RFX4: variants seen among roughly 807,000 people sequenced by gnomAD.
RFX4 encodes the protein transcription factor RFX4.
Under a neutral mutation model 95.0 loss-of-function variants are expected in RFX4, and 10 were observed. That is an observed-to-expected ratio of 0.11 (90% confidence interval 0.06 to 0.18). The LOEUF is 0.18. Among genes scored for constraint, RFX4 ranks in the 10% least tolerant of loss-of-function variants. RFX4 has a pLI of 1.00. For missense variants in RFX4, 640 were observed against 922.0 expected (o/e 0.69, Z 3.96); for synonymous variants, 321 against 340.7 (o/e 0.94, Z 0.64).
At chr12:106,737,401 T>C (rs1436236928) in intron 15 of RFX4, among the ~76,000 whole-genome samples, 1 of 151,950 alleles carries the variant, frequency 6.6e-6, no homozygotes, top group Non-Finnish European at 1.5e-5. Context: ...GTTAAGGTTC[T>C]TGATGAGCAA....
At chr12:106,632,671 GT>G (rs2137264148) in intron 2 of RFX4, among the ~76,000 whole-genome samples, 1 of 152,242 alleles carries the variant, frequency 6.6e-6, no homozygotes, top group African/African-American at 2.4e-5. Flanking sequence ...GTTTCTTTTT[GT>G]TTTGTTTTGT....
At chr12:106,662,447 T>C (rs931046317) in intron 4 of RFX4, among the ~76,000 whole-genome samples, 2 of 152,178 alleles carry the variant, frequency 1.3e-5, no homozygotes, top group Non-Finnish European at 2.9e-5. Context: ...GTTATTTGTA[T>C]CTTTTGAGCA....
At chr12:106,699,355 C>A (rs556711439) in intron 8 of RFX4, among the ~76,000 whole-genome samples, 9 of 152,104 alleles carry the variant, frequency 5.9e-5, no homozygotes, top group Admixed American at 5.9e-4. Context: ...CTATGTGTAC[C>A]TGAAAAAGCT....
intron 11 of RFX4, among the ~76,000 whole-genome samples, chr12:106,716,936 G>A (rs1041284367): frequency 9.2e-5 from 13 of 141,010 alleles, no homozygotes; most frequent in African/African-American, 2.4e-4. Flanking sequence ...CTGGTCTCAC[G>A]TCTAGTCCCA....
intron 3 of RFX4, among the ~76,000 whole-genome samples, chr12:106,639,834 C>G (rs2137280072): frequency 6.6e-6 from 1 of 152,244 alleles, no homozygotes; most frequent in East Asian, 1.9e-4. Flanking sequence ...ATTTGGCATT[C>G]CTGGGCTTGA....
chr12:106,676,720 G>C (rs1019037537), intron 4 of RFX4, among the ~76,000 whole-genome samples: 11 of 152,224 alleles, frequency 7.2e-5, no homozygotes, highest in Non-Finnish European at 5.9e-5. Context: ...GTTCATAGCA[G>C]AGGCCACCAG....
At chr12:106,724,785 G>A (rs949811376) in intron 13 of RFX4, among the ~76,000 whole-genome samples, 11 of 152,164 alleles carry the variant, frequency 7.2e-5, no homozygotes, top group African/African-American at 2.4e-4. Flanking sequence ...ACTTTGGGAG[G>A]TGGATTCCCT....
intron 4 of RFX4, among the ~76,000 whole-genome samples, chr12:106,674,847 G>A (rs1304575131): frequency 6.6e-6 from 1 of 152,192 alleles, no homozygotes; most frequent in Non-Finnish European, 1.5e-5. Flanking sequence ...ATATCTGCTG[G>A]TGAATGAATC....
intron 15 of RFX4, among the ~76,000 whole-genome samples, chr12:106,737,516 A>G (rs557745128): frequency 1.3e-5 from 2 of 152,184 alleles, no homozygotes; most frequent in East Asian, 3.9e-4. Context: ...AGTAGAGGCA[A>G]GAGAGAGCAT....
Position 106,654,242 on chromosome 12 carries a change from A to G in RFX4, c.206A>G (p.Tyr69Cys). The G allele has an allele frequency of 6.2e-7, 1 of 1,614,024 alleles. No homozygotes were observed. The highest frequency in any genetic ancestry group is 8.5e-7 in the Non-Finnish European group (1 of 1,179,926). The change falls in exon 4 of 18, where the codon TAT becomes TGT. Residue 69 changes from tyrosine (Y) to cysteine (C), a missense_variant. Physicochemically the swap from Tyr to Cys is radical, Grantham distance 194. Coordinates refer to ENST00000392842, the MANE Select transcript of RFX4 (RefSeq NM_213594.3). Reference sequence around the variant, plus strand: ...TATTTCCCTAGGCTGGAGGAGAACTATGAGATTGCAGAGGGGGTCTGCATC... The same window carrying G: ...TATTTCCCTAGGCTGGAGGAGAACTGTGAGATTGCAGAGGGGGTCTGCATC... ...PATLQWLEENYEIAEGVCIPR... is the reference protein window; with the variant it reads ...PATLQWLEENCEIAEGVCIPR...
rs922063231 is a variant in RFX4, at chr12:106,639,353, G to A, written c.152G>A (p.Arg51Lys). 10 of 1,613,384 alleles carry A rather than the reference G, an allele frequency of 6.2e-6. No individual in the cohort carries two copies. The highest frequency in any genetic ancestry group is 1.3e-5 in the African/African-American group (1 of 74,874). The change falls in exon 3 of 18, where the codon AGA becomes AAA. Residue 51 changes from arginine to lysine, a missense_variant. Coordinates refer to ENST00000392842, the MANE Select transcript of RFX4 (RefSeq NM_213594.3). Reference sequence around the variant, plus strand: ...ACAGATGAGGAAAAAGAAAATAATAGAGCATCCAAGCCCCACTCCACTCCT... The same window carrying A: ...ACAGATGAGGAAAAAGAAAATAATAAAGCATCCAAGCCCCACTCCACTCCT... ...NDENEEKENN[R>K]ASKPHSTPAT...
At chr12:106,643,784 T>C (rs1013641985) in intron 3 of RFX4, among the ~76,000 whole-genome samples, 1 of 152,218 alleles carries the variant, frequency 6.6e-6, no homozygotes, top group Non-Finnish European at 1.5e-5. Flanking sequence ...TTTTATTTTG[T>C]TTACACAAGA....
chr12:106,715,264 T>C (rs2042265491), intron 10 of RFX4, 136 bp from the exon 11 acceptor site: 2 of 983,710 alleles, frequency 2.0e-6, no homozygotes, highest in Admixed American at 5.6e-5. Flanking sequence ...GGTGCTTTCC[T>C]GAAATTGAAT....
rs1391488309 is a variant in RFX4 at position 106,625,521 on chromosome 12, A to G, written c.131-13811A>G. Among the ~76,000 whole-genome samples the G allele has an allele frequency of 2.6e-5, 4 of 152,220 alleles. 1 individual carries two copies. The South Asian group carries it at 6.2e-4, about 24-fold the overall frequency. On this transcript the variant is annotated intron_variant, in intron 2 of 17. Transcript: ENST00000392842. Reference sequence around the variant, plus strand: ...AGTAGATATGTATGCTTCTCATGGCATACTCACCAACAAACAGGAGGATTG... The same window carrying G: ...AGTAGATATGTATGCTTCTCATGGCGTACTCACCAACAAACAGGAGGATTG...
At chr12:106,759,734 CCCTT>C (rs1247243055) in intron 17 of RFX4, among the ~76,000 whole-genome samples, 1 of 152,178 alleles carries the variant, frequency 6.6e-6, no homozygotes, top group Non-Finnish European at 1.5e-5. Context: ...GGTGCCTTCT[CCCTT>C]GAGTTCCCAG....
At chr12:106,661,728 C>T (rs1193703706) in intron 4 of RFX4, among the ~76,000 whole-genome samples, 3 of 152,232 alleles carry the variant, frequency 2.0e-5, no homozygotes, top group African/African-American at 7.2e-5. Context: ...TCCTCTCTCC[C>T]TGTCCCCTAA....
At chr12:106,691,629 C>A (rs1341533263) in intron 7 of RFX4, among the ~76,000 whole-genome samples, 2 of 152,208 alleles carry the variant, frequency 1.3e-5, no homozygotes, top group African/African-American at 4.8e-5. Context: ...GAGGTTACAA[C>A]TTATGCTAGT....
At chr12:106,643,051 G>GTTT (rs1225833259) in intron 3 of RFX4, among the ~76,000 whole-genome samples, 1 of 152,228 alleles carries the variant, frequency 6.6e-6, no homozygotes, top group Non-Finnish European at 1.5e-5. Flanking sequence ...GAGATGGCCA[G>GTTT]TTAAAAATGA....
Position 106,654,453 on chromosome 12 carries a change from G to T in RFX4, c.315+102G>T, listed in dbSNP as rs1460120425. Reference sequence around the variant, plus strand: ...TAGTTATTTTTTTTAAGTTATCAAAGTACTTACTTACTTTGGTACTTTGAC... The same window carrying T: ...TAGTTATTTTTTTTAAGTTATCAAATTACTTACTTACTTTGGTACTTTGAC... On this transcript the variant is annotated intron_variant, in intron 4 of 17. Coordinates refer to ENST00000392842, the MANE Select transcript of RFX4 (RefSeq NM_213594.3). 4 of 1,356,350 alleles carry T rather than the reference G, an allele frequency of 2.9e-6. No homozygotes were observed. The Admixed American group carries it at 8.9e-5, about 30-fold the overall frequency. 84.0% of individuals were successfully genotyped at this position (1,356,350 alleles called of 1,614,324 possible).
Sources: gnomAD v4.1 joint callset for allele counts (sites outside exome capture counted in the v4.1 genomes callset) on GRCh38, gnomAD v4.1.1 for gene constraint, MANE v1.5 for transcripts, NCBI Gene and HGNC (gene_info 2026-07-23, HGNC 2026-07-21) for gene names.